The following AGMO variants were observed in gnomAD, a reference collection of about 807,000 sequenced individuals.
AGMO encodes glyceryl-ether monooxygenase.
Under a neutral mutation model 60.2 loss-of-function variants are expected in AGMO, and 75 were observed. That is an observed-to-expected ratio of 1.25 (90% CI 1.03 to 1.51). The LOEUF is 1.51. Among genes scored for constraint, AGMO ranks in the 40% most tolerant of loss-of-function variants. AGMO has a pLI of 0.00. For missense variants in AGMO, 763 were observed against 525.5 expected (o/e 1.45, Z -4.42); for synonymous variants, 261 against 177.1 (o/e 1.47, Z -3.76).
intron 12 of AGMO, among the ~76,000 whole-genome samples, chr7:15,347,075 A>AGGTG (rs1782060796): frequency 2.6e-5 from 4 of 152,044 alleles, no homozygotes; most frequent in South Asian, 2.1e-4. Flanking sequence ...TACTACATTA[A>AGGTG]AATGAATCAA....
At position 15,273,051 on chromosome 7, in the gene AGMO, C is replaced by A. The variant is rs189031398; in HGVS notation, c.1264-71692G>T. ...AGCCCTTTGTCAGATTAGTAGATTG[C>A]AAAAATTTTCTCCCATTCTGTAGGT... is the stretch of plus-strand genomic sequence containing the variant. On this transcript the variant is annotated intron_variant, in intron 12 of 12. Coordinates refer to ENST00000342526, the MANE Select transcript of AGMO (RefSeq NM_001004320.2). Among the ~76,000 whole-genome samples, 1,114 of 152,204 alleles carry A rather than the reference C, an allele frequency of 7.3e-3. 5 individuals are homozygous for A. The highest frequency in any genetic ancestry group is 0.011 in the Non-Finnish European group (758 of 68,022).
chr7:15,393,732 C>A (rs953878141), intron 6 of AGMO, among the ~76,000 whole-genome samples: 1 of 152,110 alleles, frequency 6.6e-6, no homozygotes, highest in African/African-American at 2.4e-5. Flanking sequence ...TTTTCAAGAC[C>A]ACTAACTCTC....
intron 12 of AGMO, among the ~76,000 whole-genome samples, chr7:15,271,200 G>C (rs1473479797): frequency 6.6e-6 from 1 of 152,066 alleles, no homozygotes; most frequent in African/African-American, 2.4e-5. Context: ...TTCTTACTCA[G>C]TGAAAAACAG....
chr7:15,528,838 G>C (rs1447467557), intron 3 of AGMO, among the ~76,000 whole-genome samples: 1 of 152,020 alleles, frequency 6.6e-6, no homozygotes, highest in Admixed American at 6.6e-5. Flanking sequence ...ATTGGAGATG[G>C]AGTTTCTCCA....
the AGMO span, among the ~76,000 whole-genome samples, chr7:15,184,742 G>A: frequency 7.3e-6 from 1 of 137,454 alleles, no homozygotes; most frequent in Admixed American, 7.3e-5. Flanking sequence ...AGGGAGGGAA[G>A]GAAGGAAAGT....
chr7:15,394,264 T>C (rs1395942865), intron 5 of AGMO, 85 bp from the exon 6 acceptor site: 1 of 1,052,944 alleles, frequency 9.5e-7, no homozygotes, highest in African/African-American at 1.6e-5. Context: ...GAAACTCACA[T>C]AAATTAAGAG....
chr7:15,205,386 GA>G (rs927931788), intron 12 of AGMO, among the ~76,000 whole-genome samples: 7 of 151,210 alleles, frequency 4.6e-5, no homozygotes, highest in Admixed American at 1.3e-4. Flanking sequence ...ATTCACAAGA[GA>G]AAAAAAATCT....
At chr7:15,140,429 CA>C in the AGMO span, among the ~76,000 whole-genome samples, 1 of 151,574 alleles carries the variant, frequency 6.6e-6, no homozygotes, top group African/African-American at 2.4e-5. Context: ...CCTTATCTTT[CA>C]ATGGTAATAG....
the AGMO span, among the ~76,000 whole-genome samples, chr7:15,184,650 AG>A: frequency 3.9e-4 from 9 of 23,332 alleles, no homozygotes; most frequent in Admixed American, 5.8e-4. Context: ...GAAAGGAGGA[AG>A]GGAGGGAAGG....
intron 10 of AGMO, among the ~76,000 whole-genome samples, chr7:15,379,407 C>A (rs944824068): frequency 1.1e-4 from 16 of 151,926 alleles, no homozygotes; most frequent in Non-Finnish European, 2.2e-4. Context: ...TTCAAATAAA[C>A]AGTATCAAAA....
chr7:15,392,735 G>A (rs1784196520), intron 6 of AGMO, among the ~76,000 whole-genome samples: 1 of 152,128 alleles, frequency 6.6e-6, no homozygotes, highest in Non-Finnish European at 1.5e-5. Context: ...GTAGGCGGAT[G>A]TTGCAGTGAG....
chr7:15,375,333 A>T (rs545192153), intron 10 of AGMO, among the ~76,000 whole-genome samples: 3 of 152,118 alleles, frequency 2.0e-5, no homozygotes, highest in African/African-American at 7.2e-5. Flanking sequence ...TACAGAAGAG[A>T]AAAGATGTTA....
At position 15,455,219 on chromosome 7, in the gene AGMO, G is replaced by A. The variant is rs375369117; in HGVS notation, c.410-24111C>T. On this transcript the variant is annotated intron_variant, in intron 3 of 12. Coordinates refer to ENST00000342526, the MANE Select transcript of AGMO (RefSeq NM_001004320.2). ...GACTATGAAGATGTTGTGCACTGCT[G>A]AGCTATGCAGCACGTTATGATGTTT... is the stretch of plus-strand genomic sequence containing the variant. Among the ~76,000 whole-genome samples, 14 of 152,062 alleles carry A rather than the reference G, an allele frequency of 9.2e-5. 1 individual carries two copies. The highest frequency in any genetic ancestry group is 3.4e-4 in the African/African-American group (14 of 41,504).
chr7:15,180,256 A>G, the AGMO span, among the ~76,000 whole-genome samples: 1 of 152,108 alleles, frequency 6.6e-6, no homozygotes, highest in African/African-American at 2.4e-5. Context: ...TTAGAAGTAC[A>G]ATCTTTAAGT....
At chr7:15,505,211 A>T (rs1354637517) in intron 3 of AGMO, among the ~76,000 whole-genome samples, 1 of 151,968 alleles carries the variant, frequency 6.6e-6, no homozygotes, top group East Asian at 1.9e-4. Flanking sequence ...TCACAAAGAG[A>T]GCTATGATGT....
At chr7:15,454,206 A>G (rs949729769) in intron 3 of AGMO, among the ~76,000 whole-genome samples, 1 of 152,060 alleles carries the variant, frequency 6.6e-6, no homozygotes, top group African/African-American at 2.4e-5. Flanking sequence ...AAAGAAACAC[A>G]CACTAACTTA....
intron 12 of AGMO, among the ~76,000 whole-genome samples, chr7:15,223,954 G>A (rs1461062906): frequency 6.6e-6 from 1 of 151,922 alleles, no homozygotes; most frequent in Non-Finnish European, 1.5e-5. Flanking sequence ...AAACTTGGCT[G>A]GAGGCTATCA....
At chr7:15,345,519 T>C (rs376310727) in intron 12 of AGMO, among the ~76,000 whole-genome samples, 9 of 152,214 alleles carry the variant, frequency 5.9e-5, no homozygotes, top group Admixed American at 1.3e-4. Context: ...GTGCATAACA[T>C]TGACATAGCA....
chr7:15,307,167 AGTT>A lies in AGMO; in HGVS notation c.1263+58344_1263+58346del, dbSNP rs369936328. 1.7e-3 allele frequency among the ~76,000 whole-genome samples: 261 copies of A among 152,116 alleles called. 1 individual carries two copies. The highest frequency in any genetic ancestry group is 5.6e-3 in the African/African-American group (231 of 41,536). ...ATCTTATTATCCAGTCTAGTTATCT[AGTT>A]GTTAACAGTCTTGTGAGAGGTGAGG... is the stretch of plus-strand genomic sequence containing the variant. On this transcript the variant is annotated intron_variant, in intron 12 of 12. Transcript: ENST00000342526.
Sources: allele counts gnomAD v4.1 joint callset (sites outside exome capture counted in the v4.1 genomes callset), GRCh38; gene constraint gnomAD v4.1.1; transcripts MANE v1.5; gene names NCBI Gene and HGNC (gene_info 2026-07-23, HGNC 2026-07-21).